CACNG4: variants seen among roughly 807,000 people sequenced by gnomAD.
The protein encoded by CACNG4 is voltage-dependent calcium channel gamma-4 subunit.
In CACNG4, 8 loss-of-function variants were observed where a neutral mutation model predicts 22.9. The observed-to-expected ratio is 0.35, with a 90% CI of 0.21 to 0.63. CACNG4 has a LOEUF of 0.63. Ranked by LOEUF, CACNG4 falls within the 30% of genes least tolerant of loss-of-function variation. The pLI, the probability that CACNG4 is intolerant of heterozygous loss-of-function variation, is 0.72. For synonymous variants in CACNG4, 188 were observed against 191.9 expected, an observed-to-expected ratio of 0.98 and a Z score of 0.17; for missense variants, 357 against 455.4, an observed-to-expected ratio of 0.78 and a Z score of 1.97.
chr17:66,976,995 C>A (rs2143283163), intron 1 of CACNG4, among the ~76,000 whole-genome samples: 1 of 152,294 alleles, frequency 6.6e-6, no homozygotes, highest in South Asian at 2.1e-4. Flanking sequence ...AGACAGAAGT[C>A]CCTCTCCTGC....
At chr17:66,971,422 C>G (rs969687612) in intron 1 of CACNG4, among the ~76,000 whole-genome samples, 11 of 152,208 alleles carry the variant, frequency 7.2e-5, no homozygotes, top group African/African-American at 2.7e-4. Context: ...CTCATTCATT[C>G]TTCCAGCACA....
chr17:66,964,987 A>G lies in CACNG4; in HGVS notation c.76A>G (p.Ile26Val). The change falls in exon 1 of 4, where the codon ATC becomes GTC. Residue 26 changes from isoleucine (I) to valine (V), a missense_variant. This residue lies in a region of CACNG4 where 114 missense variants were observed against 161.6 expected (regional missense o/e 0.71). Coordinates refer to ENST00000262138, the MANE Select transcript of CACNG4 (RefSeq NM_014405.4). The stretch of plus-strand genomic sequence containing the variant: ...CTTCGCCGCCTTCTCGCTCATGGCC[A>G]TCGCCATCGGCACCGACTACTGGCT... ...GAFAAFSLMA[I>V]AIGTDYWLYS... The G allele has an allele frequency of 3.1e-6, 5 of 1,610,178 alleles. No individual in the cohort carries two copies. Among genetic ancestry groups the G allele is most frequent in the Non-Finnish European group, 4.2e-6 (5 of 1,178,614 alleles).
In CACNG4 at chr17:67,030,926, G is replaced by C. The variant is rs746604287; in HGVS notation, c.906G>C (p.Gln302His). The stretch of plus-strand genomic sequence containing the variant: ...CCGACCAGGAGGCCAGCTTCCTGCA[G>C]GTGCATGACTTTTTCCAGCAGGACC... ...YSPDQEASFL[Q>H]VHDFFQQDLK... The change falls in exon 4 of 4, where the codon CAG becomes CAC. Residue 302 changes from glutamine to histidine, a missense_variant. By Grantham distance (24) the Gln-to-His change is conservative (BLOSUM62 0). Transcript: ENST00000262138. The surrounding 1 kb of genome is among the most constrained non-coding windows in gnomAD (Gnocchi z 6.4). The C allele has an allele frequency of 6.2e-7, 1 of 1,613,516 alleles. No homozygotes were observed. The highest frequency in any genetic ancestry group is 1.1e-5 in the South Asian group (1 of 91,088).
rs1442641435 is a variant in CACNG4 at position 67,032,576 on chromosome 17, A to C, written c.*1572A>C. Reference sequence around the variant, plus strand: ...GTCCGTTCGGCCTAGTGATGATGTCATCGTCCATCCCATCTTCCTTTGCCC... The same window carrying C: ...GTCCGTTCGGCCTAGTGATGATGTCCTCGTCCATCCCATCTTCCTTTGCCC... On this transcript the variant is annotated 3_prime_UTR_variant, in exon 4 of 4. Coordinates refer to ENST00000262138, the MANE Select transcript of CACNG4 (RefSeq NM_014405.4). The C allele has an allele frequency of 1.3e-5, 2 of 155,738 alleles. No individual in the cohort carries two copies. The highest frequency in any genetic ancestry group is 4.8e-5 in the African/African-American group (2 of 41,428). The allele number at this position is 155,738 out of a possible 1,614,324, so 9.6% of individuals were successfully genotyped here. A position where few individuals can be genotyped will look rare whatever the true frequency, so the allele number is the denominator to read the frequency against.
At chr17:66,975,740 C>T (rs1362830581) in intron 1 of CACNG4, among the ~76,000 whole-genome samples, 5 of 152,324 alleles carry the variant, frequency 3.3e-5, no homozygotes, top group South Asian at 2.1e-4. Flanking sequence ...GTGGAGGCCA[C>T]GGTGTTATTT....
intron 1 of CACNG4, among the ~76,000 whole-genome samples, chr17:66,989,664 C>T (rs552716063): frequency 4.6e-5 from 7 of 151,526 alleles, no homozygotes; most frequent in Non-Finnish European, 8.8e-5. Context: ...ACCACGCTTC[C>T]GAAGTGTTTC....
chr17:66,974,266 A>G (rs897545992), intron 1 of CACNG4, among the ~76,000 whole-genome samples: 1 of 152,182 alleles, frequency 6.6e-6, no homozygotes, highest in Non-Finnish European at 1.5e-5. Context: ...GTGTGGCCAG[A>G]GGTGTGTTCA....
chr17:66,999,584 G>A (rs1363768274), intron 1 of CACNG4, among the ~76,000 whole-genome samples: 2 of 152,130 alleles, frequency 1.3e-5, no homozygotes, highest in Non-Finnish European at 2.9e-5. Context: ...AGCGAAGAGG[G>A]AACTTCCAAG....
At position 66,965,075 on chromosome 17, in the gene CACNG4, G is replaced by C. The variant is rs866103390; in HGVS notation, c.164G>C (p.Arg55Pro). ...NLTMDDGPPP[R>P]RARGDLTHSG... is the part of the protein sequence containing the mutation. ...ACCATGGACGACGGGCCCCCGCCCC[G>C]CCGCGCCCGCGGCGACCTCACCCAC... Residue 55 changes from arginine (R) to proline (P), a missense_variant, in exon 1 of 4, where the codon CGC (arginine) becomes CCC (proline). By Grantham distance (103) the Arg-to-Pro change is moderately radical. Coordinates refer to ENST00000262138, the MANE Select transcript of CACNG4 (RefSeq NM_014405.4). 6.2e-7 allele frequency: 1 copy of C among 1,603,896 alleles called. No individual in the cohort carries two copies. Among genetic ancestry groups the C allele is most frequent in the African/African-American group, 1.3e-5 (1 of 74,278 alleles).
At chr17:66,970,812 G>A (rs1424128433) in intron 1 of CACNG4, among the ~76,000 whole-genome samples, 1 of 152,244 alleles carries the variant, frequency 6.6e-6, no homozygotes, top group South Asian at 2.1e-4. Context: ...ACATGTTCTC[G>A]CCCTGTGTCT....
At chr17:66,988,263 C>A (rs538073880) in intron 1 of CACNG4, among the ~76,000 whole-genome samples, 1 of 152,066 alleles carries the variant, frequency 6.6e-6, no homozygotes, top group African/African-American at 2.4e-5. Flanking sequence ...CTGGAGCACA[C>A]GCATCAAGGC....
intron 2 of CACNG4, among the ~76,000 whole-genome samples, chr17:67,019,752 G>A (rs754076220): frequency 2.6e-5 from 4 of 152,180 alleles, no homozygotes; most frequent in Non-Finnish European, 4.4e-5. Flanking sequence ...TCCCACTGGA[G>A]CTCCCCTGAG....
chr17:66,993,532 C>T (rs1028763461), intron 1 of CACNG4, among the ~76,000 whole-genome samples: 3 of 152,244 alleles, frequency 2.0e-5, no homozygotes, highest in Admixed American at 1.3e-4. Context: ...CACCAGGGCA[C>T]TCCCACGCCT....
chr17:66,968,853 A>C (rs1236147791), intron 1 of CACNG4, among the ~76,000 whole-genome samples: 1 of 141,456 alleles, frequency 7.1e-6, no homozygotes, highest in African/African-American at 2.7e-5. Flanking sequence ...CTCTCTCCCA[A>C]TCTGTTTCTC....
In CACNG4 at chr17:67,005,887, C is replaced by A. The variant is rs148349366; in HGVS notation, c.221-12302C>A. Reference sequence around the variant, plus strand: ...AATGGGCCCGAGTCACTATGGAAGCCATTATCTTCTGTTGGGTCTGAAACA... The same window carrying A: ...AATGGGCCCGAGTCACTATGGAAGCAATTATCTTCTGTTGGGTCTGAAACA... On this transcript the variant is annotated intron_variant, in intron 1 of 3. Coordinates refer to ENST00000262138, the MANE Select transcript of CACNG4 (RefSeq NM_014405.4). Among the ~76,000 whole-genome samples the A allele has an allele frequency of 9.7e-4, 148 of 152,310 alleles. 2 individuals are homozygous for A. In the East Asian group the frequency reaches 0.025, roughly 26 times the overall value.
chr17:66,981,622 C>G (rs2035273584), intron 1 of CACNG4, among the ~76,000 whole-genome samples: 1 of 152,180 alleles, frequency 6.6e-6, no homozygotes, highest in Admixed American at 6.5e-5. Flanking sequence ...CCAGTGGCCT[C>G]TTGAGCCGCC....
At chr17:66,966,624 G>T (rs575035075) in intron 1 of CACNG4, among the ~76,000 whole-genome samples, 15 of 152,256 alleles carry the variant, frequency 9.9e-5, no homozygotes, top group South Asian at 6.2e-4. Context: ...TCCAGACCAT[G>T]CTTGTTCTCA....
At chr17:67,023,782 G>A (rs1450135907) in intron 2 of CACNG4, among the ~76,000 whole-genome samples, 6 of 150,846 alleles carry the variant, frequency 4.0e-5, no homozygotes, top group African/African-American at 1.5e-4. Context: ...TCACCATGTT[G>A]GCCAGGCTGG....
chr17:67,012,107 T>C (rs76453040), intron 1 of CACNG4, among the ~76,000 whole-genome samples: 4,819 of 152,182 alleles, frequency 0.032, 97 homozygotes, highest in Non-Finnish European at 0.047. Context: ...AAAGGCTGCA[T>C]TGGGGCGGTG....
Sources: allele counts gnomAD v4.1 joint callset (sites outside exome capture counted in the v4.1 genomes callset), GRCh38; gene constraint gnomAD v4.1.1; regional missense constraint gnomAD v4.1.1; non-coding constraint Gnocchi (gnomAD v3.1); transcripts MANE v1.5; gene names NCBI Gene and HGNC (gene_info 2026-07-23, HGNC 2026-07-21).